Variants in HHLA1 observed in about 807,000 individuals in gnomAD.
HHLA1 encodes the protein HERV-H LTR-associating protein 1.
In HHLA1, 72 loss-of-function variants were observed where a neutral mutation model predicts 69.9. The ratio of observed to expected loss-of-function variants is 1.03; its 90% CI spans 0.85 to 1.25. The LOEUF (loss-of-function observed/expected upper bound fraction) is 1.25, where lower values mean the gene tolerates loss of function less well. HHLA1 is among the 50% of genes most tolerant of loss of function. The pLI, the probability that HHLA1 is intolerant of heterozygous loss-of-function variation, is 0.00. For missense variants in HHLA1, 685 were observed against 642.2 expected (o/e 1.07, Z -0.72); for synonymous variants, 252 against 233.2 (o/e 1.08, Z -0.73).
chr8:132,092,811 C>T lies in HHLA1; in HGVS notation c.448+2708G>A, dbSNP rs74561420. Reference sequence around the variant, plus strand: ...AATGGACTAATACACTTTCCAAATCCTTTCTCCTCTTCATTGTAGCTGGAG... The same window carrying T: ...AATGGACTAATACACTTTCCAAATCTTTTCTCCTCTTCATTGTAGCTGGAG... On this transcript the variant is annotated intron_variant, in intron 7 of 16. Transcript: ENST00000414222. 4.7e-3 allele frequency among the ~76,000 whole-genome samples: 720 copies of T among 152,260 alleles called. 5 individuals are homozygous for T. The highest frequency in any genetic ancestry group is 0.016 in the African/African-American group (669 of 41,542).
rs58434637 is a variant in HHLA1, at chr8:132,106,838, G to C, written c.-21-1552C>G. On this transcript the variant is annotated intron_variant, in intron 1 of 16. Transcript: ENST00000414222. ...AGGACTTAGCGTTCTCTCCAGCAAA[G>C]GGTGACTGGGGGTGGAAGTGGGCAG... 3.5e-3 allele frequency among the ~76,000 whole-genome samples: 526 copies of C among 152,308 alleles called. 29 individuals are homozygous for C. In the East Asian group the frequency reaches 0.087, roughly 25 times the overall value.
intron 11 of HHLA1, among the ~76,000 whole-genome samples, chr8:132,079,160 A>G (rs1447492370): frequency 1.3e-5 from 2 of 152,236 alleles, no homozygotes; most frequent in Non-Finnish European, 1.5e-5. Flanking sequence ...TCATGTACGC[A>G]AGATGCTGGG....
intron 12 of HHLA1, 44 bp from the exon 13 acceptor site, chr8:132,076,587 G>A: frequency 1.5e-6 from 2 of 1,328,552 alleles, no homozygotes; most frequent in Non-Finnish European, 2.0e-6. Context: ...CTCTTCTAGG[G>A]GGCCCTGAGG....
At chr8:132,080,222 T>C (rs1220926627) in intron 10 of HHLA1, 6 of 567,694 alleles carry the variant, frequency 1.1e-5, no homozygotes, top group South Asian at 3.2e-5. Context: ...ATATGCCTTA[T>C]GGATACAACT....
chr8:132,080,095 C>T (rs1046135859), intron 10 of HHLA1, 129 bp from the exon 11 acceptor site: 3 of 1,270,006 alleles, frequency 2.4e-6, no homozygotes, highest in Admixed American at 2.0e-5. Context: ...AAGTATCAGG[C>T]ATTTGCTATG....
At chr8:132,106,473 C>T (rs541548932) in intron 1 of HHLA1, among the ~76,000 whole-genome samples, 3 of 152,296 alleles carry the variant, frequency 2.0e-5, no homozygotes, top group Non-Finnish European at 2.9e-5. Context: ...GTGGAATTCA[C>T]CTATTCTCAT....
rs1019577195 is a variant in HHLA1 at position 132,077,784 on chromosome 8, C to G, written c.1113G>C (p.Ala371=). ...GTGTGGCCATTATCTCAGCAGCAGG[C>G]GCCAAAAGGCTTGTAGTGTTCATGG... The part of the protein sequence containing the change: ...EEAMNTTSLL[A]PAAEIMATPG... Residue 371 remains alanine, a synonymous_variant, in exon 12 of 17, where the codon GCG becomes GCC. Coordinates refer to ENST00000414222, the MANE Select transcript of HHLA1 (RefSeq NM_001145095.3). 2 of 1,551,510 alleles carry G rather than the reference C, an allele frequency of 1.3e-6. No homozygotes were observed. Among genetic ancestry groups the G allele is most frequent in the African/African-American group, 1.4e-5 (1 of 73,020 alleles).
rs777342457 is a variant in HHLA1, at chr8:132,062,645, C to G, written c.*1350G>C. On this transcript the variant is annotated 3_prime_UTR_variant, in exon 17 of 17. Coordinates refer to ENST00000414222, the MANE Select transcript of HHLA1 (RefSeq NM_001145095.3). Reference sequence around the variant, plus strand: ...CACTGGAGAGGGCACACATGCTCTACGTGGAGACTCAGCATAGATAGGGAT... The same window carrying G: ...CACTGGAGAGGGCACACATGCTCTAGGTGGAGACTCAGCATAGATAGGGAT... The G allele has an allele frequency of 6.6e-6, 1 of 152,172 alleles. No individual in the cohort carries two copies. The highest frequency in any genetic ancestry group is 1.5e-5 in the Non-Finnish European group (1 of 68,056). The allele number at this position is 152,172 out of a possible 1,614,324, so 9.4% of individuals were successfully genotyped here. A position where few individuals can be genotyped will look rare whatever the true frequency, so the allele number is the denominator to read the frequency against.
At position 132,098,266 on chromosome 8, in the gene HHLA1, G is replaced by A. The variant is rs552262050; in HGVS notation, c.280+616C>T. Among the ~76,000 whole-genome samples the A allele has an allele frequency of 8.5e-5, 13 of 152,254 alleles. No homozygotes were observed. In the South Asian group the frequency reaches 2.7e-3, roughly 32 times the overall value. Reference sequence around the variant, plus strand: ...TGCTAGACGCTAAAGAACACAGAAAGAAGATTACAATAATATTGTCTTAAA... The same window carrying A: ...TGCTAGACGCTAAAGAACACAGAAAAAAGATTACAATAATATTGTCTTAAA... On this transcript the variant is annotated intron_variant, in intron 5 of 16. Transcript: ENST00000414222.
At chr8:132,107,915 G>A (rs771199502) in intron 1 of HHLA1, among the ~76,000 whole-genome samples, 51 of 152,182 alleles carry the variant, frequency 3.4e-4, no homozygotes, top group Admixed American at 7.2e-4. Flanking sequence ...CTGGCCTTAC[G>A]CTTCCCTTTG....
Position 132,076,502 on chromosome 8 carries a change from C to T in HHLA1, c.1213G>A (p.Ala405Thr). The change falls in exon 13 of 17, where the codon GCA becomes ACA. Residue 405 changes from alanine to threonine, a missense_variant. By Grantham distance (58) the Ala-to-Thr change is moderately conservative (BLOSUM62 0). Coordinates refer to ENST00000414222, the MANE Select transcript of HHLA1 (RefSeq NM_001145095.3). The stretch of plus-strand genomic sequence containing the variant: ...GTTTGTGGATATCTGGGGGCTGTTG[C>T]CTTGGTTGGACTCGGAGTCTGTGTG... ...HGTQTPSPTK[A>T]TAPRYPQTGD... is the part of the protein sequence containing the mutation. The T allele has an allele frequency of 5.8e-6, 8 of 1,390,742 alleles. No homozygotes were observed. Among genetic ancestry groups the T allele is most frequent in the Non-Finnish European group, 7.6e-6 (8 of 1,049,520 alleles). The allele number at this position is 1,390,742 out of a possible 1,614,324, so 86.2% of individuals were successfully genotyped here.
At chr8:132,109,046 C>T (rs771958583) in intron 1 of HHLA1, among the ~76,000 whole-genome samples, 15 of 152,178 alleles carry the variant, frequency 9.9e-5, no homozygotes, top group Non-Finnish European at 1.6e-4. Flanking sequence ...CTCGCTCTGT[C>T]GCCCAGGCTG....
At chr8:132,078,831 A>G (rs1823690596) in intron 11 of HHLA1, among the ~76,000 whole-genome samples, 2 of 152,362 alleles carry the variant, frequency 1.3e-5, no homozygotes, top group African/African-American at 4.8e-5. Context: ...TGATGACTGA[A>G]TGAATGAATT....
In HHLA1 at chr8:132,083,315, C is replaced by A. The variant is rs564104573; in HGVS notation, c.677-3349G>T. Among the ~76,000 whole-genome samples, 1,173 of 152,056 alleles carry A rather than the reference C, an allele frequency of 7.7e-3. 10 individuals carry two copies. The highest frequency in any genetic ancestry group is 0.026 in the African/African-American group (1,079 of 41,460). On this transcript the variant is annotated intron_variant, in intron 10 of 16. Transcript: ENST00000414222. ...AGTTTTAAGAGGTTTAGAAGCCTGG[C>A]CGTCAATACCCACAACAGTTATGGA...
chr8:132,109,046 C>G (rs771958583), intron 1 of HHLA1, among the ~76,000 whole-genome samples: 1 of 152,178 alleles, frequency 6.6e-6, no homozygotes, highest in Non-Finnish European at 1.5e-5. Flanking sequence ...CTCGCTCTGT[C>G]GCCCAGGCTG....
At position 132,074,407 on chromosome 8, in the gene HHLA1, A is replaced by T. The variant is rs146447619; in HGVS notation, c.1315+1648T>A. Among the ~76,000 whole-genome samples, 152 of 151,924 alleles carry T rather than the reference A, an allele frequency of 1.0e-3. 3 individuals carry two copies. The East Asian group carries it at 0.021, about 21-fold the overall frequency. ...GAATAAGCACAAGCTTTGAAATTAG[A>T]TCTGGTGTCAAAATGGAGTCTCCTT... On this transcript the variant is annotated intron_variant, in intron 14 of 16. Coordinates refer to ENST00000414222, the MANE Select transcript of HHLA1 (RefSeq NM_001145095.3).
chr8:132,066,050 C>A, intron 15 of HHLA1, 82 bp from the exon 16 acceptor site: 2 of 545,524 alleles, frequency 3.7e-6, no homozygotes, highest in South Asian at 3.3e-5. Context: ...AAGGTAAGCA[C>A]ATAAACATGA....
intron 10 of HHLA1, among the ~76,000 whole-genome samples, chr8:132,083,821 C>G (rs1331022444): frequency 6.6e-6 from 1 of 152,098 alleles, no homozygotes; most frequent in Non-Finnish European, 1.5e-5. Flanking sequence ...CAAGGAATTG[C>G]AACTTTTTTC....
intron 3 of HHLA1, chr8:132,101,364 C>T: frequency 6.9e-7 from 1 of 1,456,716 alleles, no homozygotes; most frequent in East Asian, 2.6e-5. Flanking sequence ...TTGTCCAACA[C>T]TTTGAAGAAT....
Sources: gnomAD v4.1 joint callset for allele counts (sites outside exome capture counted in the v4.1 genomes callset) on GRCh38, gnomAD v4.1.1 for gene constraint, MANE v1.5 for transcripts, NCBI Gene and HGNC (gene_info 2026-07-23, HGNC 2026-07-21) for gene names.